The following MPHOSPH8 variants were observed in gnomAD, a reference collection of about 807,000 sequenced individuals.
MPHOSPH8 encodes the protein M-phase phosphoprotein 8.
MPHOSPH8 carries 45 observed loss-of-function variants against 87.3 expected under a neutral mutation model. The observed-to-expected ratio is 0.52, with a 90% confidence interval of 0.41 to 0.66. The LOEUF is 0.66. MPHOSPH8 is among the 30% of genes least tolerant of loss of function. MPHOSPH8 has a pLI of 0.00. For missense variants in MPHOSPH8, 883 were observed against 1,020.2 expected (o/e 0.87, Z 1.83); for synonymous variants, 366 against 376.9 (o/e 0.97, Z 0.33).
Position 19,658,981 on chromosome 13 carries a change from AT to A in MPHOSPH8, c.1577-12del, listed in dbSNP as rs1875357828. Reference sequence around the variant, plus strand: ...CAGACAAATGTATGTTAACAAGGCTATTGTGTGTTCCAGATGGCAGGCAGCA... The same window carrying A: ...CAGACAAATGTATGTTAACAAGGCTATGTGTGTTCCAGATGGCAGGCAGCA... On this transcript the variant is annotated splice_polypyrimidine_tract_variant and intron_variant, in intron 5 of 13. Coordinates refer to ENST00000361479, the MANE Select transcript of MPHOSPH8 (RefSeq NM_017520.4). 6.2e-7 allele frequency: 1 copy of A among 1,609,710 alleles called. No homozygotes were observed. The highest frequency in any genetic ancestry group is 8.5e-7 in the Non-Finnish European group (1 of 1,179,068).
intron 2 of MPHOSPH8, among the ~76,000 whole-genome samples, chr13:19,643,782 G>A (rs1874426607): frequency 6.6e-6 from 1 of 152,006 alleles, no homozygotes; most frequent in Non-Finnish European, 1.5e-5. Context: ...CTCCCACTCA[G>A]GGTAGCACTG....
chr13:19,647,435 G>C, intron 3 of MPHOSPH8, 144 bp downstream of exon 3: 1 of 644,098 alleles, frequency 1.6e-6, no homozygotes, highest in Non-Finnish European at 2.6e-6. Flanking sequence ...TTTGGACACC[G>C]CAGCTTATCT....
chr13:19,659,069 C>T lies in MPHOSPH8; in HGVS notation c.1651C>T (p.His551Tyr). 1 of 1,614,120 alleles carries T rather than the reference C, an allele frequency of 6.2e-7. No individual in the cohort carries two copies. Among genetic ancestry groups the T allele is most frequent in the Non-Finnish European group, 8.5e-7 (1 of 1,180,016 alleles). Residue 551 changes from histidine (H) to tyrosine (Y), a missense_variant, in exon 6 of 14, where the codon CAC becomes TAC. Coordinates refer to ENST00000361479, the MANE Select transcript of MPHOSPH8 (RefSeq NM_017520.4). The stretch of plus-strand genomic sequence containing the variant: ...GATGAAGTTGGAAGATTTCCAAAAG[C>T]ACCTTGATGGGAAAGATGAGAATTT... ...EWMKLEDFQK[H>Y]LDGKDENFAA...
At chr13:19,643,574 C>G (rs1000670685) in intron 2 of MPHOSPH8, among the ~76,000 whole-genome samples, 1 of 152,076 alleles carries the variant, frequency 6.6e-6, no homozygotes, top group Non-Finnish European at 1.5e-5. Flanking sequence ...AAGATGGTAC[C>G]ATATACTAAT....
At chr13:19,660,812 C>T in intron 7 of MPHOSPH8, 11 of 453,986 alleles carry the variant, frequency 2.4e-5, no homozygotes, top group Non-Finnish European at 3.2e-5. Flanking sequence ...TAACTCCAGT[C>T]ATTTAATGAA....
chr13:19,646,818 A>C lies in MPHOSPH8; in HGVS notation c.745A>C (p.Asn249His), dbSNP rs1228744310. 3 of 1,595,164 alleles carry C rather than the reference A, an allele frequency of 1.9e-6. No homozygotes were observed. The highest frequency in any genetic ancestry group is 2.6e-6 in the Non-Finnish European group (3 of 1,175,004). Residue 249 changes from asparagine (N) to histidine (H), a missense_variant, in exon 3 of 14, where the codon AAT becomes CAT. By Grantham distance (68) the Asn-to-His change is moderately conservative. This residue lies in a region of MPHOSPH8 where 741 missense variants were observed against 841.5 expected (regional missense o/e 0.88). Transcript: ENST00000361479. ...KTKTREDPKE[N>H]RKTKKEKFVE... The stretch of plus-strand genomic sequence containing the variant: ...GAAAACAAGAGAAGATCCCAAAGAA[A>C]ATAGAAAAACAAAAAAAGAAAAATT...
intron 1 of MPHOSPH8, among the ~76,000 whole-genome samples, chr13:19,638,943 C>T (rs1053191038): frequency 2.6e-5 from 4 of 151,850 alleles, no homozygotes; most frequent in South Asian, 4.2e-4. Flanking sequence ...ATTAGCCAGG[C>T]GTGGTGCTGG....
chr13:19,650,107 T>G lies in MPHOSPH8; in HGVS notation c.1423T>G (p.Phe475Val). 1 of 1,614,034 alleles carries G rather than the reference T, an allele frequency of 6.2e-7. No homozygotes were observed. The highest frequency in any genetic ancestry group is 8.5e-7 in the Non-Finnish European group (1 of 1,179,962). Residue 475 changes from phenylalanine (F) to valine (V), a missense_variant, in exon 5 of 14, where the codon TTT becomes GTT. By Grantham distance (50) the Phe-to-Val change is conservative (BLOSUM62 -1). Coordinates refer to ENST00000361479, the MANE Select transcript of MPHOSPH8 (RefSeq NM_017520.4). ...NRKREEIPLD[F>V]KTIDDHKTKE... Reference sequence around the variant, plus strand: ...GAAAAGGGAAGAAATACCACTGGATTTTAAAACCATAGACGATCACAAAAC... The same window carrying G: ...GAAAAGGGAAGAAATACCACTGGATGTTAAAACCATAGACGATCACAAAAC...
At chr13:19,646,323 A>C (rs1874560720) in intron 2 of MPHOSPH8, 120 bp from the exon 3 acceptor site, 1 of 861,592 alleles carries the variant, frequency 1.2e-6, no homozygotes, top group Non-Finnish European at 1.6e-6. Context: ...AAGCAGTTTT[A>C]AGAAGTTGAG....
intron 12 of MPHOSPH8, 84 bp downstream of exon 12, chr13:19,670,447 TA>T: frequency 7.0e-7 from 1 of 1,429,146 alleles, no homozygotes; most frequent in Non-Finnish European, 9.5e-7. Flanking sequence ...TCCTGTGTCT[TA>T]ATAAAATATA....
At chr13:19,660,489 T>A (rs1875467110) in intron 7 of MPHOSPH8, among the ~76,000 whole-genome samples, 1 of 152,188 alleles carries the variant, frequency 6.6e-6, no homozygotes, top group Admixed American at 6.5e-5. Context: ...TCCTTTGGGA[T>A]TACAATTCAC....
chr13:19,661,269 C>G (rs1319450708), intron 7 of MPHOSPH8, among the ~76,000 whole-genome samples: 5 of 152,160 alleles, frequency 3.3e-5, no homozygotes, highest in Admixed American at 2.6e-4. Flanking sequence ...AATAGCATTA[C>G]ATCTTTTAAA....
intron 5 of MPHOSPH8, among the ~76,000 whole-genome samples, chr13:19,657,552 G>A (rs907621404): frequency 7.9e-5 from 12 of 151,666 alleles, no homozygotes; most frequent in Non-Finnish European, 1.8e-4. Flanking sequence ...TGGGGACAGA[G>A]CAAGACTCCG....
intron 1 of MPHOSPH8, among the ~76,000 whole-genome samples, chr13:19,638,363 C>G (rs1295220942): frequency 1.3e-5 from 2 of 151,904 alleles, no homozygotes; most frequent in East Asian, 3.9e-4. Context: ...ACCTGTAATC[C>G]CAGCACTTTG....
intron 1 of MPHOSPH8, among the ~76,000 whole-genome samples, chr13:19,641,031 C>G (rs923754903): frequency 6.6e-6 from 1 of 152,132 alleles, no homozygotes; most frequent in African/African-American, 2.4e-5. Context: ...TTATTTGGTT[C>G]TTCCTATCTT....
At position 19,672,853 on chromosome 13, in the gene MPHOSPH8, G is replaced by A. The variant is rs965483851; in HGVS notation, c.*978G>A. ...GGTGGCTCACACCTATAATCCCAGC[G>A]CTTTGGAGGCTGAGGTTGGAGGATT... On this transcript the variant is annotated 3_prime_UTR_variant, in exon 14 of 14. Coordinates refer to ENST00000361479, the MANE Select transcript of MPHOSPH8 (RefSeq NM_017520.4). 2.4e-5 allele frequency: 8 copies of A among 338,480 alleles called. No homozygotes were observed. Among genetic ancestry groups the A allele is most frequent in the East Asian group, 1.5e-4 (2 of 13,550 alleles). The allele number at this position is 338,480 out of a possible 1,614,324, so 21.0% of individuals were successfully genotyped here.
chr13:19,670,711 T>A (rs566797230), intron 12 of MPHOSPH8: 10 of 1,107,048 alleles, frequency 9.0e-6, no homozygotes, highest in Non-Finnish European at 1.0e-5. Context: ...TTGCTAGATA[T>A]AGACATTTTA....
intron 1 of MPHOSPH8, among the ~76,000 whole-genome samples, chr13:19,636,286 A>G (rs1174031395): frequency 2.0e-5 from 3 of 152,206 alleles, no homozygotes; most frequent in Non-Finnish European, 4.4e-5. Context: ...AGTCTAGTCT[A>G]TAGTCTATAA....
intron 2 of MPHOSPH8, among the ~76,000 whole-genome samples, chr13:19,644,750 G>C (rs1874482253): frequency 6.6e-6 from 1 of 152,156 alleles, no homozygotes; most frequent in Non-Finnish European, 1.5e-5. Flanking sequence ...AGATTCCTTA[G>C]TGCACATTTT....
Sources: allele counts gnomAD v4.1 joint callset (sites outside exome capture counted in the v4.1 genomes callset), GRCh38; gene constraint gnomAD v4.1.1; regional missense constraint gnomAD v4.1.1; transcripts MANE v1.5; gene names NCBI Gene and HGNC (gene_info 2026-07-23, HGNC 2026-07-21).